Variants in MYT1L observed in about 807,000 individuals in gnomAD.
MYT1L encodes the protein myelin transcription factor 1 like.
MYT1L carries 12 observed loss-of-function variants against 126.7 expected under a neutral mutation model. That is an observed-to-expected ratio of 0.09 (90% confidence interval 0.06 to 0.15). The LOEUF is 0.15. Ranked by LOEUF, MYT1L falls within the 10% of genes least tolerant of loss-of-function variation. The probability of loss-of-function intolerance (pLI) is 1.00; values close to 1 mark genes in which losing one functional copy is unlikely to be tolerated. For synonymous variants in MYT1L, 541 were observed against 604.2 expected (o/e 0.90, Z 1.53); for missense variants, 979 against 1,585.2 (o/e 0.62, Z 6.49).
intron 2 of MYT1L, among the ~76,000 whole-genome samples, chr2:2,282,074 A>G (rs894401277): frequency 6.6e-6 from 1 of 152,206 alleles, no homozygotes; most frequent in African/African-American, 2.4e-5. Flanking sequence ...TAAATTGCTC[A>G]TACTGAGATC....
At chr2:2,248,746 A>G (rs567692185) in intron 2 of MYT1L, among the ~76,000 whole-genome samples, 1 of 152,300 alleles carries the variant, frequency 6.6e-6, no homozygotes, top group Non-Finnish European at 1.5e-5. Context: ...GTCATACACA[A>G]TATCCATAGA....
At chr2:2,064,332 G>A (rs1269027527) in intron 3 of MYT1L, among the ~76,000 whole-genome samples, 2 of 152,192 alleles carry the variant, frequency 1.3e-5, no homozygotes, top group Non-Finnish European at 2.9e-5. Context: ...CTAACAGCAG[G>A]TGAAATGGAG....
At chr2:2,085,862 G>A (rs764833792) in intron 3 of MYT1L, among the ~76,000 whole-genome samples, 7 of 152,112 alleles carry the variant, frequency 4.6e-5, no homozygotes, top group Non-Finnish European at 7.3e-5. Flanking sequence ...GTCCCCACTC[G>A]GTTTCCTGAT....
At chr2:2,020,319 C>A (rs928596348) in intron 4 of MYT1L, among the ~76,000 whole-genome samples, 5 of 152,226 alleles carry the variant, frequency 3.3e-5, no homozygotes, top group Non-Finnish European at 4.4e-5. Context: ...GTCTCTTTCT[C>A]ATGCACACAT....
intron 21 of MYT1L, among the ~76,000 whole-genome samples, chr2:1,826,735 G>A (rs1273269777): frequency 6.6e-6 from 1 of 152,084 alleles, no homozygotes; most frequent in Non-Finnish European, 1.5e-5. Context: ...TGGGCCTGAG[G>A]CAGAGCAGGG....
intron 8 of MYT1L, among the ~76,000 whole-genome samples, chr2:1,948,286 T>C (rs1486514279): frequency 6.6e-6 from 1 of 152,194 alleles, no homozygotes; most frequent in East Asian, 1.9e-4. Context: ...TTGCTCACGA[T>C]TTGCTCTCTA....
At chr2:1,945,181 TG>T (rs2057091871) in intron 8 of MYT1L, among the ~76,000 whole-genome samples, 1 of 151,910 alleles carries the variant, frequency 6.6e-6, no homozygotes, top group South Asian at 2.1e-4. Flanking sequence ...ATCAACTTCG[TG>T]GATGAATGAT....
chr2:1,848,285 C>CT lies in MYT1L; in HGVS notation c.2774+3355_2774+3356insA, dbSNP rs2148489057. On this transcript the variant is annotated intron_variant, in intron 19 of 24. Transcript: ENST00000647738. The surrounding 1 kb of genome is among the most constrained non-coding windows in gnomAD (Gnocchi z 4.8). Reference sequence around the variant, plus strand: ...AGGAGGGAGAATTCTACAGACACCACGGAAGCGCGAGGCATTTGTCCTGGG... The same window carrying CT: ...AGGAGGGAGAATTCTACAGACACCACTGGAAGCGCGAGGCATTTGTCCTGGG... Among the ~76,000 whole-genome samples the CT allele has an allele frequency of 7.9e-5, 4 of 50,950 alleles. No homozygotes were observed. Among genetic ancestry groups the CT allele is most frequent in the African/African-American group, 5.4e-4 (4 of 7,450 alleles). 33.4% of individuals were successfully genotyped at this position (50,950 alleles called of 152,430 possible).
rs574969260 is a variant in MYT1L at position 2,304,971 on chromosome 2, C to T, written c.-520-20468G>A. On this transcript the variant is annotated intron_variant, in intron 1 of 24. Transcript: ENST00000647738. ...ATGTACTTTCAGTGTACAATACATA[C>T]TTAGATTTGAAGTTTGCATAGAAGT... Among the ~76,000 whole-genome samples the T allele has an allele frequency of 1.2e-3, 189 of 152,268 alleles. 3 individuals are homozygous for T. Among genetic ancestry groups the T allele is most frequent in the African/African-American group, 4.4e-3 (181 of 41,562 alleles).
At chr2:1,900,671 C>T (rs969395668) in intron 14 of MYT1L, among the ~76,000 whole-genome samples, 16 of 152,230 alleles carry the variant, frequency 1.1e-4, no homozygotes, top group Non-Finnish European at 1.8e-4. Context: ...CCAGACTTCA[C>T]GCCCACACAA....
intron 14 of MYT1L, among the ~76,000 whole-genome samples, chr2:1,892,916 C>G (rs75394704): frequency 0.044 from 6,651 of 152,094 alleles, 161 homozygotes; most frequent in East Asian, 0.078. Flanking sequence ...CCTTTTTTTT[C>G]TAGAATTCTG....
intron 18 of MYT1L, among the ~76,000 whole-genome samples, chr2:1,862,623 G>A (rs562900136): frequency 6.6e-6 from 1 of 152,178 alleles, no homozygotes; most frequent in African/African-American, 2.4e-5. Flanking sequence ...AATGTATCTA[G>A]ACTTCTGTGT....
chr2:1,860,749 C>A (rs1483602418), intron 18 of MYT1L, among the ~76,000 whole-genome samples: 1 of 152,120 alleles, frequency 6.6e-6, no homozygotes, highest in African/African-American at 2.4e-5. Flanking sequence ...GTCCTTATCA[C>A]TCTCAGAGGC....
chr2:2,327,598 T>G (rs959038894), intron 1 of MYT1L, among the ~76,000 whole-genome samples: 1 of 152,194 alleles, frequency 6.6e-6, no homozygotes, highest in Admixed American at 6.5e-5. Context: ...GATCTCTCTT[T>G]CTGAGTCTAC....
At chr2:1,993,288 G>A (rs2061583034) in intron 5 of MYT1L, among the ~76,000 whole-genome samples, 1 of 152,174 alleles carries the variant, frequency 6.6e-6, no homozygotes, top group African/African-American at 2.4e-5. Context: ...AGGCACACAG[G>A]GGTCCGCCAG....
intron 1 of MYT1L, among the ~76,000 whole-genome samples, chr2:2,314,076 T>C (rs751877595): frequency 1.1e-4 from 17 of 152,204 alleles, no homozygotes; most frequent in Non-Finnish European, 1.9e-4. Context: ...TTGCGTACCA[T>C]GAGATCAAGT....
chr2:2,117,173 T>C (rs1208042906), intron 3 of MYT1L, among the ~76,000 whole-genome samples: 1 of 152,218 alleles, frequency 6.6e-6, no homozygotes, highest in African/African-American at 2.4e-5. Flanking sequence ...GAAACAATTT[T>C]GTTTTCCCGT....
chr2:2,281,748 A>C (rs1337308811), intron 2 of MYT1L, among the ~76,000 whole-genome samples: 1 of 152,232 alleles, frequency 6.6e-6, no homozygotes, highest in African/African-American at 2.4e-5. Flanking sequence ...GAATTGAATT[A>C]GACATAGTCT....
intron 3 of MYT1L, among the ~76,000 whole-genome samples, chr2:2,117,690 C>A (rs747628289): frequency 6.6e-5 from 10 of 151,988 alleles, no homozygotes; most frequent in Admixed American, 1.3e-4. Context: ...ATTAACTTAA[C>A]GGAATAAGAA....
Sources: allele counts gnomAD v4.1 joint callset (sites outside exome capture counted in the v4.1 genomes callset), GRCh38; gene constraint gnomAD v4.1.1; non-coding constraint Gnocchi (gnomAD v3.1); transcripts MANE v1.5; gene names NCBI Gene and HGNC (gene_info 2026-07-23, HGNC 2026-07-21).